Variants in AKAP6 observed in about 807,000 individuals in gnomAD.
AKAP6 encodes the protein A-kinase anchoring protein 6.
A neutral mutation model predicts 188.5 loss-of-function variants in AKAP6; 58 were observed. That is an observed-to-expected ratio of 0.31 (90% confidence interval 0.25 to 0.38). The LOEUF (loss-of-function observed/expected upper bound fraction) is 0.38. Ranked by LOEUF, AKAP6 falls within the 10% of genes least tolerant of loss-of-function variation. The probability of loss-of-function intolerance (pLI) is 1.00; values close to 1 mark genes in which losing one functional copy is unlikely to be tolerated. For synonymous variants in AKAP6, 989 were observed against 998.6 expected, an observed-to-expected ratio of 0.99 and a Z score of 0.18; for missense variants, 2,710 against 2,740.0, an observed-to-expected ratio of 0.99 and a Z score of 0.24.
chr14:32,408,019 G>A (rs1469824814), intron 1 of AKAP6, among the ~76,000 whole-genome samples: 1 of 152,220 alleles, frequency 6.6e-6, no homozygotes, highest in African/African-American at 2.4e-5. Context: ...TCTAGGGGAT[G>A]TCAGAATCTT....
At chr14:32,395,091 C>A (rs1363571202) in intron 1 of AKAP6, among the ~76,000 whole-genome samples, 1 of 152,012 alleles carries the variant, frequency 6.6e-6, no homozygotes, top group African/African-American at 2.4e-5. Context: ...CCCACTGGGC[C>A]TTTAGACCCT....
intron 1 of AKAP6, among the ~76,000 whole-genome samples, chr14:32,343,187 C>A (rs1886947758): frequency 6.6e-6 from 1 of 151,712 alleles, no homozygotes; most frequent in Non-Finnish European, 1.5e-5. Flanking sequence ...ACTTGCCTAA[C>A]CTTTCTGGGT....
intron 4 of AKAP6, among the ~76,000 whole-genome samples, chr14:32,575,914 T>A (rs113163312): frequency 0.013 from 1,966 of 152,258 alleles, 29 homozygotes; most frequent in Middle Eastern, 0.024. Context: ...CCCCCTCTAA[T>A]AAACAATTTG....
rs1886458325 is a variant in AKAP6 at position 32,329,375 on chromosome 14, A to G, written c.-68A>G. The G allele has an allele frequency of 6.6e-6, 1 of 152,174 alleles. No homozygotes were observed. The highest frequency in any genetic ancestry group is 1.5e-5 in the Non-Finnish European group (1 of 68,012). The allele number at this position is 152,174 out of a possible 1,614,324, so 9.4% of individuals were successfully genotyped here. On this transcript the variant is annotated 5_prime_UTR_variant, in exon 1 of 14. It removes the in-frame stop codon of an upstream open reading frame in the 5' UTR. Coordinates refer to ENST00000280979, the MANE Select transcript of AKAP6 (RefSeq NM_004274.5). Reference sequence around the variant, plus strand: ...GTATTGCATCCTACAGATGTGCTGTAAACATCAAAAGAAGACGGTGGGATC... The same window carrying G: ...GTATTGCATCCTACAGATGTGCTGTGAACATCAAAAGAAGACGGTGGGATC...
intron 5 of AKAP6, among the ~76,000 whole-genome samples, chr14:32,588,855 T>C (rs1198180050): frequency 6.6e-6 from 1 of 152,234 alleles, no homozygotes; most frequent in Non-Finnish European, 1.5e-5. Flanking sequence ...TTATATCATA[T>C]TTCTGATTAA....
chr14:32,412,283 A>G (rs942397473), intron 1 of AKAP6, among the ~76,000 whole-genome samples: 2 of 152,214 alleles, frequency 1.3e-5, no homozygotes, highest in African/African-American at 4.8e-5. Context: ...ACACATTTAC[A>G]TATTCAGTAC....
intron 3 of AKAP6, among the ~76,000 whole-genome samples, chr14:32,537,034 T>C (rs983384141): frequency 2.6e-5 from 4 of 152,214 alleles, no homozygotes; most frequent in African/African-American, 7.2e-5. Flanking sequence ...TAATGAGTGT[T>C]GCATAATTCA....
At position 32,387,494 on chromosome 14, in the gene AKAP6, A is replaced by G. The variant is rs538779038; in HGVS notation, c.-34-45966A>G. 2.6e-4 allele frequency among the ~76,000 whole-genome samples: 39 copies of G among 148,182 alleles called. 1 individual carries two copies. In the South Asian group the frequency reaches 8.2e-3, roughly 31 times the overall value. On this transcript the variant is annotated intron_variant, in intron 1 of 13. Transcript: ENST00000280979. ...TTTTTATTTTATTATTATATTTTAT[A>G]TATTATGATATTTATAATATATGTA...
Position 32,510,356 on chromosome 14 carries a change from ATATATATATGTG to A in AKAP6, c.325-25176_325-25165del, listed in dbSNP as rs1169716662. On this transcript the variant is annotated intron_variant, in intron 2 of 13. Coordinates refer to ENST00000280979, the MANE Select transcript of AKAP6 (RefSeq NM_004274.5). ...ATTATATAAGTAAACATATGGATAC[ATATATATATGTG>A]TATATATATGTGTATATATATATGT... Among the ~76,000 whole-genome samples the A allele has an allele frequency of 2.8e-3, 158 of 56,910 alleles. 1 individual carries two copies. The highest frequency in any genetic ancestry group is 4.3e-3 in the Admixed American group (24 of 5,610). 37.3% of individuals were successfully genotyped at this position (56,910 alleles called of 152,430 possible). A position where few individuals can be genotyped will look rare whatever the true frequency, so the allele number is the denominator to read the frequency against.
rs149525256 is a variant in AKAP6 at position 32,427,812 on chromosome 14, G to A, written c.-34-5648G>A. On this transcript the variant is annotated intron_variant, in intron 1 of 13. Coordinates refer to ENST00000280979, the MANE Select transcript of AKAP6 (RefSeq NM_004274.5). The stretch of plus-strand genomic sequence containing the variant: ...ATAAAAATGTAAGAGAAGAAATGAA[G>A]TGGGAGAAAAAGGAAACTTATGTGA... 4.6e-5 allele frequency among the ~76,000 whole-genome samples: 7 copies of A among 152,294 alleles called. No homozygotes were observed. The East Asian group carries it at 1.4e-3, about 29-fold the overall frequency.
At chr14:32,634,996 G>A (rs1341186982) in intron 7 of AKAP6, among the ~76,000 whole-genome samples, 2 of 151,874 alleles carry the variant, frequency 1.3e-5, no homozygotes, top group East Asian at 1.9e-4. Flanking sequence ...TACCCATCAT[G>A]GGGTTAGTTT....
At chr14:32,480,986 T>C (rs1220322157) in intron 2 of AKAP6, among the ~76,000 whole-genome samples, 2 of 152,232 alleles carry the variant, frequency 1.3e-5, no homozygotes, top group Non-Finnish European at 2.9e-5. Context: ...GAATTCTCTT[T>C]TCATGTTCTG....
intron 4 of AKAP6, among the ~76,000 whole-genome samples, chr14:32,553,605 A>G (rs960953419): frequency 5.3e-5 from 8 of 152,190 alleles, no homozygotes; most frequent in Admixed American, 3.3e-4. Flanking sequence ...TCACTTCACC[A>G]TATGTGATCA....
intron 8 of AKAP6, among the ~76,000 whole-genome samples, chr14:32,681,403 G>A (rs557405838): frequency 6.6e-6 from 1 of 152,248 alleles, no homozygotes; most frequent in African/African-American, 2.4e-5. Context: ...CTAAGACCTC[G>A]ACTCAGCACT....
rs1285324856 is a variant in AKAP6 at position 32,823,441 on chromosome 14, T to C, written c.5628T>C (p.Arg1876=). The change falls in exon 13 of 14, where the codon CGT becomes CGC. Residue 1876 remains arginine (R), a synonymous_variant. Coordinates refer to ENST00000280979, the MANE Select transcript of AKAP6 (RefSeq NM_004274.5). ...SSHTHELGTK[R]ENKKTIFKVN... is the part of the protein sequence containing the mutation. ...ATACCCATGAGTTAGGGACAAAGCG[T>C]GAAAATAAGAAAACTATTTTCAAAG... The C allele has an allele frequency of 6.2e-7, 1 of 1,613,294 alleles. No individual in the cohort carries two copies. Among genetic ancestry groups the C allele is most frequent in the African/African-American group, 1.3e-5 (1 of 74,800 alleles).
intron 7 of AKAP6, among the ~76,000 whole-genome samples, chr14:32,607,504 C>G (rs546556259): frequency 6.6e-6 from 1 of 152,142 alleles, no homozygotes; most frequent in Non-Finnish European, 1.5e-5. Context: ...AAGGCCTGGC[C>G]ATTATTTATT....
rs184201232 is a variant in AKAP6, at chr14:32,691,704, A to C, written c.2880-4286A>C. The stretch of plus-strand genomic sequence containing the variant: ...CTCCCAAGTAGCTGGGTCTACAAGC[A>C]TGTGCCACCATGCCTGGCTGATTTT... On this transcript the variant is annotated intron_variant, in intron 8 of 13. Transcript: ENST00000280979. Among the ~76,000 whole-genome samples, 170 of 152,186 alleles carry C rather than the reference A, an allele frequency of 1.1e-3. 2 individuals are homozygous for C. The highest frequency in any genetic ancestry group is 0.011 in the Admixed American group (167 of 15,288).
At chr14:32,388,707 TGA>T (rs1370669225) in intron 1 of AKAP6, among the ~76,000 whole-genome samples, 5 of 152,096 alleles carry the variant, frequency 3.3e-5, no homozygotes, top group Admixed American at 6.6e-5. Context: ...CACTGTGGTC[TGA>T]GAGAGAGTGC....
At chr14:32,690,361 C>T (rs1890127498) in intron 8 of AKAP6, among the ~76,000 whole-genome samples, 1 of 152,102 alleles carries the variant, frequency 6.6e-6, no homozygotes, top group Non-Finnish European at 1.5e-5. Context: ...ATGATGCTCA[C>T]TTTAAATACC....
Sources: gnomAD v4.1 joint callset for allele counts (sites outside exome capture counted in the v4.1 genomes callset) on GRCh38, gnomAD v4.1.1 for gene constraint, MANE v1.5 for transcripts, NCBI Gene and HGNC (gene_info 2026-07-23, HGNC 2026-07-21) for gene names.